Variants in SRSF5 observed in about 807,000 individuals in gnomAD.
SRSF5 encodes serine/arginine-rich splicing factor 5.
SRSF5 carries 5 observed loss-of-function variants against 34.0 expected under a neutral mutation model. The observed-to-expected ratio is 0.15, with a 90% CI of 0.08 to 0.31. The LOEUF (loss-of-function observed/expected upper bound fraction) is 0.31. Ranked by LOEUF, SRSF5 falls within the 10% of genes least tolerant of loss-of-function variation. The pLI, the probability that SRSF5 is intolerant of heterozygous loss-of-function variation, is 1.00. For missense variants in SRSF5, 223 were observed against 351.4 expected, an observed-to-expected ratio of 0.63 and a Z score of 2.92; for synonymous variants, 164 against 117.7, an observed-to-expected ratio of 1.39 and a Z score of -2.55.
At chr14:69,768,582 G>C (rs754817544) in intron 2 of SRSF5, 22 bp from the exon 3 acceptor site, 3 of 1,610,698 alleles carry the variant, frequency 1.9e-6, no homozygotes, top group Non-Finnish European at 1.7e-6. Flanking sequence ...CCAATGTTAA[G>C]AGTCTTATGC....
At chr14:69,767,540 T>G in intron 1 of SRSF5, 1 of 455,854 alleles carries the variant, frequency 2.2e-6, no homozygotes, top group Non-Finnish European at 4.4e-6. Flanking sequence ...TGGGCCGGGA[T>G]CTCCCTGACT....
At chr14:69,767,698 C>G (rs777421538) in intron 1 of SRSF5, 5 of 363,992 alleles carry the variant, frequency 1.4e-5, no homozygotes, top group South Asian at 5.9e-5. Context: ...CCGCAGAGCG[C>G]CCGCCCGCTG....
At chr14:69,767,309 CGCTCAGATCGTGAGCGGCCGGGGCT>C (rs776403247) in intron 1 of SRSF5, 54 bp downstream of exon 1, 22 of 436,916 alleles carry the variant, frequency 5.0e-5, no homozygotes, top group African/African-American at 8.3e-5. Flanking sequence ...TCTTCATGGC[CGCTCAGATCGTGAGCGGCCGGGGCT>C]GCTCTCTTTG....
At position 69,768,298 on chromosome 14, in the gene SRSF5, T is replaced by G. The variant is rs1209786484; in HGVS notation, c.126+16T>G. 1 of 1,613,750 alleles carries G rather than the reference T, an allele frequency of 6.2e-7. No individual in the cohort carries two copies. The highest frequency in any genetic ancestry group is 8.5e-7 in the Non-Finnish European group (1 of 1,179,788). On this transcript the variant is annotated intron_variant, in intron 2 of 7. Transcript: ENST00000557154. ...TGGTTTTGTGGTAAGTATTTAGAAC[T>G]GGGTGAATTATCTGCTAAGTAGGTA...
chr14:69,767,715 G>T (rs1245344757), intron 1 of SRSF5: 3 of 358,844 alleles, frequency 8.4e-6, no homozygotes, highest in South Asian at 6.1e-5. Flanking sequence ...GCTGCTGTTG[G>T]CGCAGGCGCG....
Position 69,767,175 on chromosome 14 carries a change from C to T in SRSF5, c.-100C>T, listed in dbSNP as rs1024207231. The stretch of plus-strand genomic sequence containing the variant: ...TGGAGTGGCGTAGACGAGTTAAGTC[C>T]TGGTCTGCGTGGAGGTCGACGACTC... On this transcript the variant is annotated 5_prime_UTR_variant, in exon 1 of 8. Coordinates refer to ENST00000557154, the MANE Select transcript of SRSF5 (RefSeq NM_001320214.2). The T allele has an allele frequency of 1.7e-5, 6 of 352,902 alleles. No homozygotes were observed. The highest frequency in any genetic ancestry group is 1.1e-4 in the South Asian group (5 of 46,728). 21.9% of individuals were successfully genotyped at this position (352,902 alleles called of 1,614,324 possible).
At position 69,767,143 on chromosome 14, in the gene SRSF5, T is replaced by A. The variant is rs1882541549; in HGVS notation, c.-132T>A. On this transcript the variant is annotated 5_prime_UTR_variant, in exon 1 of 8. Coordinates refer to ENST00000557154, the MANE Select transcript of SRSF5 (RefSeq NM_001320214.2). ...TGGAGCGCCAGAGCTGCTAAGTGCG[T>A]CAGTTGTGGAGTGGCGTAGACGAGT... 2 of 302,302 alleles carry A rather than the reference T, an allele frequency of 6.6e-6. No individual in the cohort carries two copies. Among genetic ancestry groups the A allele is most frequent in the Non-Finnish European group, 1.3e-5 (2 of 150,688 alleles). The allele number at this position is 302,302 out of a possible 1,614,324, so 18.7% of individuals were successfully genotyped here.
chr14:69,767,525 A>T (rs1882622132), intron 1 of SRSF5: 1 of 455,744 alleles, frequency 2.2e-6, no homozygotes, highest in Admixed American at 2.4e-5. Context: ...GGACACGTAG[A>T]ATAGTGGGCC....
Position 69,770,548 on chromosome 14 carries a change from C to G in SRSF5, c.440+8C>G, listed in dbSNP as rs781071660. On this transcript the variant is annotated splice_region_variant and intron_variant, in intron 6 of 7. Transcript: ENST00000557154. ...ACCTAAATTAAATGAAGGGTATGTA[C>G]TGGAAACTGTGAAAGTCTTTAAAAA... The G allele has an allele frequency of 2.5e-6, 4 of 1,609,530 alleles. No individual in the cohort carries two copies. The Admixed American group carries it at 6.7e-5, about 27-fold the overall frequency.
At chr14:69,767,699 C>T (rs1363359621) in intron 1 of SRSF5, 2 of 363,538 alleles carry the variant, frequency 5.5e-6, no homozygotes, top group Non-Finnish European at 5.5e-6. Context: ...CGCAGAGCGC[C>T]CGCCCGCTGC....
At chr14:69,769,678 C>G (rs569465958) in intron 5 of SRSF5, 23 of 1,488,274 alleles carry the variant, frequency 1.5e-5, no homozygotes, top group Non-Finnish European at 2.0e-5. Context: ...CGGTGCACTT[C>G]CTTGAAGTGC....
chr14:69,767,788 G>T, intron 1 of SRSF5: 1 of 355,852 alleles, frequency 2.8e-6, no homozygotes, highest in South Asian at 2.1e-5. Flanking sequence ...CCGCCATTGG[G>T]CTGGCTTTGC....
chr14:69,769,858 G>A (rs1398753983), intron 5 of SRSF5: 11 of 1,250,028 alleles, frequency 8.8e-6, no homozygotes, highest in African/African-American at 1.5e-5. Flanking sequence ...GTAACTGCTC[G>A]AGTAGAACAT....
chr14:69,770,129 C>G (rs1251457683), intron 5 of SRSF5: 3 of 1,045,236 alleles, frequency 2.9e-6, no homozygotes, highest in Non-Finnish European at 3.5e-6. Context: ...AACTTCTCTA[C>G]TTTAGTCTTT....
rs777542840 is a variant in SRSF5 at position 69,770,529 on chromosome 14, A to C, written c.429A>C (p.Lys143Asn). ...CGTTTGCGGATGCACACCGACCTAA[A>C]TTAAATGAAGGGTATGTACTGGAAA... is the stretch of plus-strand genomic sequence containing the variant. ...EVTFADAHRPKLNEGVVEFAS... is the reference protein window; with the variant it reads ...EVTFADAHRPNLNEGVVEFAS... The change falls in exon 6 of 8, where the codon AAA (lysine) becomes AAC (asparagine). Residue 143 changes from lysine to asparagine, a missense_variant. Transcript: ENST00000557154. 6.2e-7 allele frequency: 1 copy of C among 1,613,884 alleles called. No individual in the cohort carries two copies. Among genetic ancestry groups the C allele is most frequent in the African/African-American group, 1.3e-5 (1 of 75,060 alleles).
rs747778243 is a variant in SRSF5 at position 69,769,302 on chromosome 14, T to A, written c.366+51T>A. On this transcript the variant is annotated intron_variant, in intron 5 of 7. Transcript: ENST00000557154. ...ATTTTGATGTGGCTTTTTAAAAAAG[T>A]TAATGGGTAGCTAATGTTGTATTGT... 3.1e-6 allele frequency: 5 copies of A among 1,607,956 alleles called. No individual in the cohort carries two copies. In the African/African-American group the frequency reaches 6.7e-5, roughly 22 times the overall value.
In SRSF5 at chr14:69,771,270, A is replaced by C. The variant is rs1883171276; in HGVS notation, c.628A>C (p.Lys210Gln). The C allele has an allele frequency of 6.2e-7, 1 of 1,614,032 alleles. No homozygotes were observed. Among genetic ancestry groups the C allele is most frequent in the African/African-American group, 1.3e-5 (1 of 74,904 alleles). ...TAGCCGATCCCGTTCCCGTAGTCGC[A>C]AATCTTACAGCCGGTCAAGAAGCAG... ...SRSRSRSRSR[K>Q]SYSRSRSRSR... is the part of the protein sequence containing the mutation. The change falls in exon 8 of 8, where the codon AAA (lysine) becomes CAA (glutamine). Residue 210 changes from lysine to glutamine, a missense_variant. Physicochemically the swap from Lys to Gln is moderately conservative, Grantham distance 53. This residue lies in a region of SRSF5 where 115 missense variants were observed against 119.7 expected (regional missense o/e 0.96). Transcript: ENST00000557154.
chr14:69,768,970 GTGA>G (rs749174720), intron 4 of SRSF5, 74 bp downstream of exon 4: 3 of 1,508,122 alleles, frequency 2.0e-6, no homozygotes, highest in South Asian at 2.3e-5. Context: ...GTCATTAGCA[GTGA>G]TGATTTTGGG....
intron 1 of SRSF5, 103 bp downstream of exon 1, chr14:69,767,358 C>G (rs1014937471): frequency 6.6e-6 from 3 of 455,756 alleles, no homozygotes; most frequent in South Asian, 4.6e-5. Context: ...AGGATGGCGT[C>G]TAATGAGCGC....
Sources: allele counts gnomAD v4.1 joint callset, GRCh38; gene constraint gnomAD v4.1.1; regional missense constraint gnomAD v4.1.1; transcripts MANE v1.5; gene names NCBI Gene and HGNC (gene_info 2026-07-23, HGNC 2026-07-21).